Variants in CECR2 observed in about 807,000 individuals in gnomAD.
The protein encoded by CECR2 is CECR2 histone acetyl-lysine reader.
Under a neutral mutation model 154.5 loss-of-function variants are expected in CECR2, and 30 were observed. That is an observed-to-expected ratio of 0.19 (90% confidence interval 0.15 to 0.26). CECR2 has a LOEUF of 0.26. Among genes scored for constraint, CECR2 ranks in the 10% least tolerant of loss-of-function variants. CECR2 has a pLI of 1.00. For missense variants in CECR2, 1,743 were observed against 1,829.3 expected, an observed-to-expected ratio of 0.95 and a Z score of 0.86; for synonymous variants, 725 against 683.7, an observed-to-expected ratio of 1.06 and a Z score of -0.94.
Position 17,542,238 on chromosome 22 carries a change from C to G in CECR2, c.2095C>G (p.Leu699Val), listed in dbSNP as rs1045477060. ...EKQMCGGLTH[L>V]SNMGPHPGSL... ...GCAAATGTGCGGGGGGCTGACACAC[C>G]TTTCTAACATGGGCCCACACCCTGG... The change falls in exon 16 of 19, where the codon CTT (leucine) becomes GTT (valine). Residue 699 changes from leucine (L) to valine (V), a missense_variant. Around this residue, in one of 4 missense-constraint regions of CECR2, gnomAD observed 1,250 missense variants for 1,192.1 expected, o/e 1.05. Transcript: ENST00000262608. The G allele has an allele frequency of 2.5e-6, 4 of 1,611,334 alleles. No homozygotes were observed. Among genetic ancestry groups the G allele is most frequent in the Non-Finnish European group, 3.4e-6 (4 of 1,178,802 alleles).
chr22:17,375,120 A>G (rs2063102194), intron 1 of CECR2, among the ~76,000 whole-genome samples: 2 of 151,640 alleles, frequency 1.3e-5, no homozygotes, highest in African/African-American at 4.8e-5. Flanking sequence ...CAGCAAATAT[A>G]TATATATTTT....
chr22:17,475,594 G>A (rs1420218786), intron 1 of CECR2, among the ~76,000 whole-genome samples: 1 of 152,102 alleles, frequency 6.6e-6, no homozygotes, highest in South Asian at 2.1e-4. Context: ...CACCCGGCTA[G>A]TTTCTACATC....
intron 8 of CECR2, among the ~76,000 whole-genome samples, chr22:17,523,485 G>A (rs1039257443): frequency 6.6e-5 from 10 of 151,746 alleles, no homozygotes; most frequent in Non-Finnish European, 1.5e-4. Flanking sequence ...GGCTGGGCAC[G>A]GTGGCTCACA....
chr22:17,549,643 C>CAAA, intron 17 of CECR2, 79 bp downstream of exon 17: 1 of 1,267,160 alleles, frequency 7.9e-7, no homozygotes, highest in Non-Finnish European at 1.1e-6. Context: ...GACAGAGTCT[C>CAAA]ACTTTGTCAC....
chr22:17,399,547 A>G (rs1225473210), intron 1 of CECR2, among the ~76,000 whole-genome samples: 2 of 151,282 alleles, frequency 1.3e-5, no homozygotes, highest in East Asian at 2.0e-4. Context: ...CCTCCTGAGT[A>G]GCTGGGATTA....
chr22:17,506,635 C>T (rs1013758155), intron 7 of CECR2, among the ~76,000 whole-genome samples: 3 of 152,062 alleles, frequency 2.0e-5, no homozygotes, highest in Non-Finnish European at 4.4e-5. Flanking sequence ...AATGTCATTT[C>T]TTTTCATGTT....
chr22:17,405,932 T>C (rs2053977637), intron 1 of CECR2, among the ~76,000 whole-genome samples: 5 of 152,198 alleles, frequency 3.3e-5, no homozygotes, highest in Admixed American at 3.3e-4. Flanking sequence ...TTGTTCCTCA[T>C]CTTAGAGAAA....
chr22:17,541,929 G>C lies in CECR2; in HGVS notation c.1975G>C (p.Gly659Arg). ...CTCTGGAGTCCCGGAGCCACACCCC[G>C]GGGAGCCTGTGCAGCAGCGTCAGCC... ...GSSGVPEPHP[G>R]EPVQQRQPFT... The change falls in exon 15 of 19, where the codon GGG (glycine) becomes CGG (arginine). Residue 659 changes from glycine (G) to arginine (R), a missense_variant. Transcript: ENST00000262608. 1.2e-6 allele frequency: 2 copies of C among 1,613,846 alleles called. No homozygotes were observed.
At chr22:17,533,573 T>C (rs2056392342) in intron 9 of CECR2, among the ~76,000 whole-genome samples, 1 of 150,598 alleles carries the variant, frequency 6.6e-6, no homozygotes, top group African/African-American at 2.4e-5. Context: ...GAGGCTACAG[T>C]GACCTGAAAT....
intron 17 of CECR2, 82 bp from the exon 18 acceptor site, chr22:17,551,949 C>A: frequency 1.5e-6 from 2 of 1,303,818 alleles, no homozygotes; most frequent in Non-Finnish European, 2.2e-6. Flanking sequence ...GAAGGCAGTA[C>A]CCTCGTGACT....
At position 17,414,074 on chromosome 22, in the gene CECR2, G is replaced by A. The variant is rs568197878; in HGVS notation, c.126+44165G>A. ...TGCAAGCTCCGCCTCCCAGGTTCAC[G>A]CCATTCTCCTGCCTCAGCCTTCTGA... On this transcript the variant is annotated intron_variant, in intron 1 of 18. Coordinates refer to ENST00000262608, the MANE Select transcript of CECR2 (RefSeq NM_001290047.2). Among the ~76,000 whole-genome samples the A allele has an allele frequency of 6.5e-4, 98 of 151,876 alleles. 2 individuals are homozygous for A. The highest frequency in any genetic ancestry group is 1.8e-3 in the Admixed American group (27 of 15,228).
chr22:17,536,038 C>T (rs1289522016), intron 9 of CECR2, among the ~76,000 whole-genome samples: 3 of 152,134 alleles, frequency 2.0e-5, no homozygotes, highest in Non-Finnish European at 4.4e-5. Context: ...CACCTGAGGT[C>T]ACGAGTTCGA....
chr22:17,405,664 A>G (rs5746364), intron 1 of CECR2, among the ~76,000 whole-genome samples: 1 of 54,018 alleles, frequency 1.9e-5, no homozygotes. Flanking sequence ...AAAAAAAAAA[A>G]AATTTTCAAT....
At chr22:17,429,059 A>G (rs2054378639) in intron 1 of CECR2, among the ~76,000 whole-genome samples, 1 of 152,052 alleles carries the variant, frequency 6.6e-6, no homozygotes, top group Admixed American at 6.6e-5. Context: ...AAATGCAATC[A>G]TTGTTCATCA....
In CECR2 at chr22:17,549,787, T is replaced by TTG. The variant is rs1555935203; in HGVS notation, c.4277+224_4277+225insGT. 2.1e-4 allele frequency among the ~76,000 whole-genome samples: 29 copies of TTG among 140,304 alleles called. 1 individual carries two copies. The highest frequency in any genetic ancestry group is 4.0e-4 in the East Asian group (2 of 4,956). 92.0% of individuals were successfully genotyped at this position (140,304 alleles called of 152,430 possible). ...ACCACACCCAGCTAACTTTTTGGTT[T>TTG]TTTTTTTTTTTTTTTTTTGGTGGAG... On this transcript the variant is annotated intron_variant, in intron 17 of 18. Coordinates refer to ENST00000262608, the MANE Select transcript of CECR2 (RefSeq NM_001290047.2).
intron 1 of CECR2, among the ~76,000 whole-genome samples, chr22:17,414,171 A>T (rs572623255): frequency 6.6e-6 from 1 of 150,502 alleles, no homozygotes; most frequent in African/African-American, 2.4e-5. Flanking sequence ...ATGGGATTTC[A>T]CTGTGTTAGC....
intron 1 of CECR2, among the ~76,000 whole-genome samples, chr22:17,410,073 C>G (rs57649718): frequency 6.9e-6 from 1 of 145,784 alleles, no homozygotes; most frequent in Non-Finnish European, 1.5e-5. Context: ...TCTCCACCTC[C>G]TGGGTTCAAG....
At chr22:17,405,496 C>T (rs1245949317) in intron 1 of CECR2, among the ~76,000 whole-genome samples, 2 of 119,862 alleles carry the variant, frequency 1.7e-5, no homozygotes, top group Non-Finnish European at 3.4e-5. Context: ...ATAAATTAGA[C>T]GGGTGTGGTG....
chr22:17,483,746 A>G (rs998099791), intron 2 of CECR2, among the ~76,000 whole-genome samples: 2 of 152,266 alleles, frequency 1.3e-5, no homozygotes, highest in Admixed American at 1.3e-4. Flanking sequence ...TAAAATAAAC[A>G]TAGTATAGCC....
Sources: allele counts gnomAD v4.1 joint callset (sites outside exome capture counted in the v4.1 genomes callset), GRCh38; gene constraint gnomAD v4.1.1; regional missense constraint gnomAD v4.1.1; transcripts MANE v1.5; gene names NCBI Gene and HGNC (gene_info 2026-07-23, HGNC 2026-07-21).